The following EPHA4 variants were observed in gnomAD, a reference collection of about 807,000 sequenced individuals.
The protein encoded by EPHA4 is ephrin type-A receptor 4.
A neutral mutation model predicts 108.3 loss-of-function variants in EPHA4; 19 were observed. The ratio of observed to expected loss-of-function variants is 0.18; its 90% confidence interval spans 0.12 to 0.26. The LOEUF (loss-of-function observed/expected upper bound fraction) is 0.26. Among genes scored for constraint, EPHA4 ranks in the 10% least tolerant of loss-of-function variants. The pLI, the probability that EPHA4 is intolerant of heterozygous loss-of-function variation, is 1.00. For synonymous variants in EPHA4, 449 were observed against 455.5 expected (o/e 0.99, Z 0.18); for missense variants, 917 against 1,254.0 (o/e 0.73, Z 4.06).
chr2:221,520,566 A>AGG (rs1390461406), intron 3 of EPHA4, among the ~76,000 whole-genome samples: 1 of 151,522 alleles, frequency 6.6e-6, no homozygotes, highest in South Asian at 2.1e-4. Flanking sequence ...AGAGAGCAAG[A>AGG]GGGGGGAGAG....
In EPHA4 at chr2:221,564,160, CGTT is replaced by C; in HGVS notation, c.391_393del (p.Asn131del). The C allele has an allele frequency of 1.2e-6, 2 of 1,614,088 alleles. No individual in the cohort carries two copies. Among genetic ancestry groups the C allele is most frequent in the Non-Finnish European group, 1.7e-6 (2 of 1,180,014 alleles). ...TTCTCTCTGATGAAACGCTCTTTGT[CGTT>C]GTCTGATTCATAGTAGTACAGGTTA... On this transcript the variant is annotated inframe_deletion, in exon 3 of 18. Coordinates refer to ENST00000281821, the MANE Select transcript of EPHA4 (RefSeq NM_004438.5).
intron 3 of EPHA4, among the ~76,000 whole-genome samples, chr2:221,561,543 C>T (rs1355947035): frequency 6.6e-6 from 1 of 152,166 alleles, no homozygotes; most frequent in African/African-American, 2.4e-5. Flanking sequence ...AATATCTGGC[C>T]TCATGTTAGG....
intron 5 of EPHA4, among the ~76,000 whole-genome samples, chr2:221,467,207 A>G (rs978367683): frequency 3.9e-5 from 6 of 152,240 alleles, no homozygotes; most frequent in African/African-American, 1.4e-4. Flanking sequence ...GATACAAGAC[A>G]AGCCTCTGGA....
At position 221,433,370 on chromosome 2, in the gene EPHA4, G is replaced by C. The variant is rs571770764; in HGVS notation, c.2496+772C>G. Among the ~76,000 whole-genome samples the C allele has an allele frequency of 2.6e-4, 40 of 152,254 alleles. 1 individual carries two copies. Among genetic ancestry groups the C allele is most frequent in the Admixed American group, 2.3e-3 (35 of 15,272 alleles). On this transcript the variant is annotated intron_variant, in intron 14 of 17. Coordinates refer to ENST00000281821, the MANE Select transcript of EPHA4 (RefSeq NM_004438.5). The stretch of plus-strand genomic sequence containing the variant: ...GGACTACCACATACATAAAAAATTA[G>C]GAAAGTTCGAAAAGTATAGGTGGCC...
intron 5 of EPHA4, among the ~76,000 whole-genome samples, chr2:221,464,291 C>T (rs1691238573): frequency 6.6e-6 from 1 of 152,182 alleles, no homozygotes; most frequent in African/African-American, 2.4e-5. Context: ...TTACTTGGAG[C>T]TTAAGGTGGT....
chr2:221,439,714 A>G lies in EPHA4; in HGVS notation c.2075-2592T>C, dbSNP rs75601876. Among the ~76,000 whole-genome samples the G allele has an allele frequency of 0.011, 1,662 of 152,112 alleles. 81 individuals carry two copies. The East Asian group carries it at 0.11, about 10-fold the overall frequency. ...AATGAGTTTTAATCAACCTGCCTCA[A>G]TCAAAAGATACTTTGTCAACTAACG... On this transcript the variant is annotated intron_variant, in intron 11 of 17. Transcript: ENST00000281821.
At chr2:221,572,326 G>C (rs565841354), upstream of EPHA4, 9 of 1,344,530 alleles carry the variant, frequency 6.7e-6, no homozygotes, top group South Asian at 1.1e-4. Flanking sequence ...GCAGCGGGCT[G>C]AAGACATTGC....
At chr2:221,497,084 TAG>T (rs1692321760) in intron 4 of EPHA4, among the ~76,000 whole-genome samples, 2 of 152,072 alleles carry the variant, frequency 1.3e-5, no homozygotes, top group South Asian at 2.1e-4. Flanking sequence ...AAATCACTGA[TAG>T]AGAGGCAGTG....
intron 3 of EPHA4, among the ~76,000 whole-genome samples, chr2:221,559,136 C>A (rs958190727): frequency 6.6e-6 from 1 of 152,062 alleles, no homozygotes; most frequent in African/African-American, 2.4e-5. Flanking sequence ...CTTTAAAAAG[C>A]TTTTAATACG....
chr2:221,479,043 C>T (rs1168971072), intron 5 of EPHA4, among the ~76,000 whole-genome samples: 5 of 152,202 alleles, frequency 3.3e-5, no homozygotes, highest in South Asian at 2.1e-4. Flanking sequence ...CTTGTGAGAA[C>T]ACAGGCCCAT....
intron 5 of EPHA4, among the ~76,000 whole-genome samples, chr2:221,464,450 G>A (rs149867249): frequency 1.2e-3 from 179 of 152,264 alleles, no homozygotes; most frequent in African/African-American, 4.0e-3. Context: ...TCGCGTCTCT[G>A]AGATGCTAAG....
At chr2:221,475,024 C>T (rs1440248443) in intron 5 of EPHA4, among the ~76,000 whole-genome samples, 8 of 152,082 alleles carry the variant, frequency 5.3e-5, no homozygotes, top group African/African-American at 1.9e-4. Flanking sequence ...GCGTGCACCA[C>T]AACACCCGTC....
intron 3 of EPHA4, among the ~76,000 whole-genome samples, chr2:221,562,219 T>C (rs1694490113): frequency 6.6e-6 from 1 of 152,016 alleles, no homozygotes; most frequent in Admixed American, 6.5e-5. Context: ...TTTTTTTTTT[T>C]TGAATTTTTA....
intron 17 of EPHA4, among the ~76,000 whole-genome samples, chr2:221,423,331 G>A (rs553475161): frequency 6.6e-6 from 1 of 152,338 alleles, no homozygotes; most frequent in East Asian, 1.9e-4. Context: ...CTGTCCGGAT[G>A]CCAGAGTCTG....
At chr2:221,437,785 T>C (rs55755503) in intron 11 of EPHA4, among the ~76,000 whole-genome samples, 36,929 of 149,340 alleles carry the variant, frequency 0.25, 4,739 homozygotes, top group African/African-American at 0.31. Context: ...TTGCCAAGCA[T>C]GGTGGCAGGC....
At chr2:221,485,375 C>G (rs753599086) in intron 4 of EPHA4, among the ~76,000 whole-genome samples, 4 of 152,120 alleles carry the variant, frequency 2.6e-5, no homozygotes, top group Non-Finnish European at 5.9e-5. Context: ...CTGTGGGCAG[C>G]GATTCTGAAG....
chr2:221,534,202 A>G (rs980083105), intron 3 of EPHA4, among the ~76,000 whole-genome samples: 1 of 152,230 alleles, frequency 6.6e-6, no homozygotes, highest in African/African-American at 2.4e-5. Flanking sequence ...TGCAAGTAGC[A>G]TAAAGCATAT....
At chr2:221,436,996 A>C in intron 12 of EPHA4, 65 bp downstream of exon 12, 2 of 1,203,696 alleles carry the variant, frequency 1.7e-6, no homozygotes, top group Non-Finnish European at 2.4e-6. Context: ...CAACAAACAC[A>C]AGGACTCTGT....
At chr2:221,428,030 TA>T (rs1689963380) in intron 15 of EPHA4, among the ~76,000 whole-genome samples, 1 of 152,226 alleles carries the variant, frequency 6.6e-6, no homozygotes, top group Admixed American at 6.5e-5. Flanking sequence ...ATAATCAAGA[TA>T]TAATTATTCT....
Sources: gnomAD v4.1 joint callset for allele counts (sites outside exome capture counted in the v4.1 genomes callset) on GRCh38, gnomAD v4.1.1 for gene constraint, MANE v1.5 for transcripts, NCBI Gene and HGNC (gene_info 2026-07-23, HGNC 2026-07-21) for gene names.